The following UBA5 variants were observed in gnomAD, a reference collection of about 807,000 sequenced individuals.
UBA5 encodes ubiquitin like modifier activating enzyme 5.
A neutral mutation model predicts 52.9 loss-of-function variants in UBA5; 28 were observed. The observed-to-expected ratio is 0.53, with a 90% CI of 0.39 to 0.73. UBA5 has a LOEUF of 0.73. Among genes scored for constraint, UBA5 ranks in the 30% least tolerant of loss-of-function variants. UBA5 has a pLI of 0.00. For missense variants in UBA5, 388 were observed against 492.7 expected (o/e 0.79, Z 2.01); for synonymous variants, 135 against 162.1 (o/e 0.83, Z 1.27).
Position 132,676,963 on chromosome 3 carries a change from A to G in UBA5, c.*437A>G, listed in dbSNP as rs150776586. On this transcript the variant is annotated 3_prime_UTR_variant, in exon 12 of 12. Coordinates refer to ENST00000356232, the MANE Select transcript of UBA5 (RefSeq NM_024818.6). This position sits in a 1 kb window ranked among gnomAD's most constrained non-coding sequence, Gnocchi z 4.1. ...AGCTTATTGATTAGAGCTGGCAAGC[A>G]TCTGCTCATTATGTTTGGAATTGCT... The G allele has an allele frequency of 9.4e-6, 4 of 427,502 alleles. No individual in the cohort carries two copies. Among genetic ancestry groups the G allele is most frequent in the Admixed American group, 2.5e-5 (1 of 39,864 alleles). 26.5% of individuals were successfully genotyped at this position (427,502 alleles called of 1,614,324 possible).
Position 132,660,651 on chromosome 3 carries a change from C to A in UBA5, c.114C>A (p.Val38=). Reference sequence around the variant, plus strand: ...GCGGCGACGGAGGGGGCGGCCGGGTCCGCATCGAGAAGATGAGCTCAGAGG... The same window carrying A: ...GCGGCGACGGAGGGGGCGGCCGGGTACGCATCGAGAAGATGAGCTCAGAGG... ...PRSGDGGGGR[V]RIEKMSSEVV... The change falls in exon 1 of 12, where the codon GTC becomes GTA. Residue 38 remains valine (V), a synonymous_variant. Transcript: ENST00000356232. The surrounding 1 kb of genome is among the most constrained non-coding windows in gnomAD (Gnocchi z 4.1). 6.4e-7 allele frequency: 1 copy of A among 1,573,492 alleles called. No individual in the cohort carries two copies. Among genetic ancestry groups the A allele is most frequent in the Non-Finnish European group, 8.6e-7 (1 of 1,160,030 alleles).
Position 132,660,477 on chromosome 3 carries a change from C to A in UBA5, c.-61C>A. 6.5e-7 allele frequency: 1 copy of A among 1,537,924 alleles called. No individual in the cohort carries two copies. Among genetic ancestry groups the A allele is most frequent in the African/African-American group, 1.4e-5 (1 of 72,934 alleles). On this transcript the variant is annotated 5_prime_UTR_variant, in exon 1 of 12. Coordinates refer to ENST00000356232, the MANE Select transcript of UBA5 (RefSeq NM_024818.6). This position sits in a 1 kb window ranked among gnomAD's most constrained non-coding sequence, Gnocchi z 4.1. ...ACCCCTCGCGGGCCCAGCCGAGCAA[C>A]GTGGGGCGAAGGCGGCGGCGAAGGC...
Position 132,676,602 on chromosome 3 carries a change from A to G in UBA5, c.*76A>G. On this transcript the variant is annotated 3_prime_UTR_variant, in exon 12 of 12. Coordinates refer to ENST00000356232, the MANE Select transcript of UBA5 (RefSeq NM_024818.6). The surrounding 1 kb of genome is among the most constrained non-coding windows in gnomAD (Gnocchi z 4.1). The stretch of plus-strand genomic sequence containing the variant: ...AAATTAAAAAAAAATTTTAACTGAT[A>G]AAACTTAGGGCAACATTAATTAATG... 9.7e-7 allele frequency: 1 copy of G among 1,035,492 alleles called. No individual in the cohort carries two copies. The highest frequency in any genetic ancestry group is 1.4e-5 in the South Asian group (1 of 69,302). The allele number at this position is 1,035,492 out of a possible 1,614,324, so 64.1% of individuals were successfully genotyped here. A position where few individuals can be genotyped will look rare whatever the true frequency, so the allele number is the denominator to read the frequency against.
intron 3 of UBA5, chr3:132,667,480 T>C (rs750186796): frequency 2.0e-5 from 3 of 150,936 alleles, no homozygotes; most frequent in Non-Finnish European, 4.4e-5. Context: ...CAGTGTGCCC[T>C]CAAGTTTGTA....
At chr3:132,669,028 C>A in intron 4 of UBA5, 101 bp downstream of exon 4, 1 of 832,362 alleles carries the variant, frequency 1.2e-6, no homozygotes, top group Non-Finnish European at 1.8e-6. Flanking sequence ...CTATAAAATG[C>A]AGTTTTCACT....
upstream of UBA5, among the ~76,000 whole-genome samples, chr3:132,656,944 A>G (rs1489578585): frequency 6.6e-6 from 1 of 151,846 alleles, no homozygotes; most frequent in Non-Finnish European, 1.5e-5. Context: ...GAGCTATTAT[A>G]GTTATATTCT....
chr3:132,672,357 A>G (rs1341718087), intron 8 of UBA5, among the ~76,000 whole-genome samples, 180 bp downstream of exon 8: 1 of 138,178 alleles, frequency 7.2e-6, no homozygotes, highest in African/African-American at 3.4e-5. Flanking sequence ...TTATATATGT[A>G]TGTCTACTTT....
Position 132,660,396 on chromosome 3 carries a change from G to C in UBA5, c.-142G>C, listed in dbSNP as rs548827948. 1.8e-6 allele frequency: 2 copies of C among 1,083,518 alleles called. No homozygotes were observed. Among genetic ancestry groups the C allele is most frequent in the African/African-American group, 3.2e-5 (2 of 63,158 alleles). 67.1% of individuals were successfully genotyped at this position (1,083,518 alleles called of 1,614,324 possible). A position where few individuals can be genotyped will look rare whatever the true frequency, so the allele number is the denominator to read the frequency against. ...GACGTGTCTGTCTGTGAGGCGCTGG[G>C]TGCACGTCCCCAGGGCTCTGGGCTA... On this transcript the variant is annotated 5_prime_UTR_variant, in exon 1 of 12. Transcript: ENST00000356232. This position sits in a 1 kb window ranked among gnomAD's most constrained non-coding sequence, Gnocchi z 4.1.
At chr3:132,672,615 T>C (rs192940385) in intron 8 of UBA5, among the ~76,000 whole-genome samples, 97 of 152,304 alleles carry the variant, frequency 6.4e-4, no homozygotes, top group African/African-American at 1.2e-3. Context: ...AATAAACCAA[T>C]GTGACTAAAC....
intron 1 of UBA5, among the ~76,000 whole-genome samples, chr3:132,664,426 T>C (rs1938286959): frequency 6.6e-6 from 1 of 152,184 alleles, no homozygotes; most frequent in Non-Finnish European, 1.5e-5. Flanking sequence ...GTTCTCAAAA[T>C]TTACCTTTGC....
intron 1 of UBA5, chr3:132,661,136 A>G (rs747965770): frequency 1.2e-5 from 14 of 1,134,392 alleles, no homozygotes; most frequent in African/African-American, 4.8e-5. Flanking sequence ...ATTCTGAGAT[A>G]TTCGGGTGCT....
chr3:132,672,297 C>T lies in UBA5; in HGVS notation c.812+120C>T, dbSNP rs183246308. On this transcript the variant is annotated intron_variant, in intron 8 of 11. Coordinates refer to ENST00000356232, the MANE Select transcript of UBA5 (RefSeq NM_024818.6). ...AAGTATATAATTTAGTTACTTTAAA[C>T]TTAAATGTAGTTTTAAATGTTTTAT... 1,909 of 1,188,340 alleles carry T rather than the reference C, an allele frequency of 1.6e-3. 59 individuals are homozygous for T. In the East Asian group the frequency reaches 0.042, roughly 26 times the overall value. The allele number at this position is 1,188,340 out of a possible 1,614,324, so 73.6% of individuals were successfully genotyped here.
At position 132,670,960 on chromosome 3, in the gene UBA5, A is replaced by T; in HGVS notation, c.495-5A>T. 1 of 1,611,872 alleles carries T rather than the reference A, an allele frequency of 6.2e-7. No homozygotes were observed. The highest frequency in any genetic ancestry group is 8.5e-7 in the Non-Finnish European group (1 of 1,178,306). Reference sequence around the variant, plus strand: ...ATGTTTTTCAAACTTATTTTCTTTGACTAGTAATGGTGGGTTAGAAGAAGG... The same window carrying T: ...ATGTTTTTCAAACTTATTTTCTTTGTCTAGTAATGGTGGGTTAGAAGAAGG... On this transcript the variant is annotated splice_polypyrimidine_tract_variant and splice_region_variant and intron_variant, in intron 5 of 11. Transcript: ENST00000356232.
intron 1 of UBA5, among the ~76,000 whole-genome samples, chr3:132,663,011 C>T (rs1041467764): frequency 1.3e-5 from 2 of 152,044 alleles, no homozygotes; most frequent in Non-Finnish European, 2.9e-5. Flanking sequence ...AAGAAACTCC[C>T]ATTGAAAATA....
At chr3:132,657,528 T>C (rs1206597633), upstream of UBA5, among the ~76,000 whole-genome samples, 1 of 152,240 alleles carries the variant, frequency 6.6e-6, no homozygotes, top group African/African-American at 2.4e-5. Context: ...AGAAAAAAGT[T>C]TGCAATATTG....
At chr3:132,667,143 G>C (rs1938410437) in intron 3 of UBA5, 1 of 152,168 alleles carries the variant, frequency 6.6e-6, no homozygotes, top group African/African-American at 2.4e-5. Flanking sequence ...TCTAGTCCCT[G>C]AAGTAGTAAC....
intron 1 of UBA5, among the ~76,000 whole-genome samples, chr3:132,662,829 G>A (rs1367265437): frequency 6.6e-6 from 1 of 152,168 alleles, no homozygotes; most frequent in Non-Finnish European, 1.5e-5. Flanking sequence ...ATTTTGGGCA[G>A]TTGATTAACC....
intron 8 of UBA5, among the ~76,000 whole-genome samples, chr3:132,674,017 A>T (rs1938723038): frequency 6.6e-6 from 1 of 152,234 alleles, no homozygotes; most frequent in Admixed American, 6.5e-5. Flanking sequence ...AATATTTACT[A>T]AATTTCTCCT....
rs1401338311 is a variant in UBA5 at position 132,676,548 on chromosome 3, T to C, written c.*22T>C. On this transcript the variant is annotated 3_prime_UTR_variant, in exon 12 of 12. Transcript: ENST00000356232. The surrounding 1 kb of genome is among the most constrained non-coding windows in gnomAD (Gnocchi z 4.1). ...GTAGATAATGGACTGGGATATATTG[T>C]ATTTCTCATGTTAAAGCCTCTTCCC... is the stretch of plus-strand genomic sequence containing the variant. The C allele has an allele frequency of 6.4e-7, 1 of 1,555,796 alleles. No homozygotes were observed. The highest frequency in any genetic ancestry group is 1.2e-5 in the South Asian group (1 of 84,388).
Sources: gnomAD v4.1 joint callset for allele counts (sites outside exome capture counted in the v4.1 genomes callset) on GRCh38, gnomAD v4.1.1 for gene constraint, Gnocchi (gnomAD v3.1) non-coding constraint, MANE v1.5 for transcripts, NCBI Gene and HGNC (gene_info 2026-07-23, HGNC 2026-07-21) for gene names.